Variants in PUDP observed in about 807,000 individuals in gnomAD.
The protein encoded by PUDP is pseudouridine 5'-phosphatase.
Under a neutral mutation model 9.4 loss-of-function variants are expected in PUDP, and 8 were observed. The ratio of observed to expected loss-of-function variants is 0.85; its 90% CI spans 0.50 to 1.53. The LOEUF is 1.53. Among genes scored for constraint, PUDP ranks in the 40% most tolerant of loss-of-function variants. PUDP has a pLI of 0.00. For synonymous variants in PUDP, 99 were observed against 80.7 expected (o/e 1.23, Z -1.22); for missense variants, 188 against 189.7 (o/e 0.99, Z 0.05).
intron 3 of PUDP, among the ~76,000 whole-genome samples, chrX:6,847,816 A>C (rs750363442): frequency 1.8e-5 from 2 of 112,003 alleles, no homozygotes; most frequent in Non-Finnish European, 3.8e-5. Context: ...GAATGAGCTT[A>C]TTGGTCTTGG....
chrX:7,046,790 G>A (rs1372539964), downstream of PUDP, among the ~76,000 whole-genome samples: 2 of 111,802 alleles, frequency 1.8e-5, no homozygotes, highest in Non-Finnish European at 3.8e-5. Context: ...CTTCATCTTC[G>A]CTCAGAGATT....
intron 1 of PUDP, among the ~76,000 whole-genome samples, chrX:6,991,385 A>AT (rs1336674850): frequency 9.0e-6 from 1 of 111,168 alleles, no homozygotes; most frequent in African/African-American, 3.3e-5. Flanking sequence ...CTTTAAAAAA[A>AT]TTTTTTTTAA....
chrX:6,861,347 A>AGGC (rs1443221521), intron 3 of PUDP, among the ~76,000 whole-genome samples: 1 of 111,592 alleles, frequency 9.0e-6, no homozygotes, highest in Non-Finnish European at 1.9e-5. Context: ...CAAGATGAGG[A>AGGC]GGCTTTCTAA....
At chrX:7,087,278 G>A (rs1242768026) in intron 2 of PUDP, among the ~76,000 whole-genome samples, 1 of 111,535 alleles carries the variant, frequency 9.0e-6, no homozygotes. Context: ...TGAAAATGGA[G>A]ACAGAGATTG....
chrX:6,980,127 C>T (rs1215405921), intron 1 of PUDP, among the ~76,000 whole-genome samples: 1 of 103,917 alleles, frequency 9.6e-6, no homozygotes, highest in Admixed American at 1.1e-4. Context: ...CCTTTCCTTT[C>T]TTTCCTCTCC....
At chrX:6,914,673 TTATG>T (rs2146759570) in intron 3 of PUDP, among the ~76,000 whole-genome samples, 1 of 112,377 alleles carries the variant, frequency 8.9e-6, no homozygotes, top group East Asian at 2.8e-4. Flanking sequence ...AATTGTCTGT[TTATG>T]TGTCTCCTAC....
At position 7,049,925 on chromosome X, in the gene PUDP, A is replaced by C. The variant is rs1050561; in HGVS notation, c.*371T>G. 0.08 allele frequency: 11,920 copies of C among 149,478 alleles called. 413 individuals are homozygous for C. Among genetic ancestry groups the C allele is most frequent in the Middle Eastern group, 0.14 (57 of 394 alleles). 12.3% of individuals were successfully genotyped at this position (149,478 alleles called of 1,213,427 possible). A position where few individuals can be genotyped will look rare whatever the true frequency, so the allele number is the denominator to read the frequency against. Reference sequence around the variant, plus strand: ...TACATGCATGCATATGTCTACATACATATGCATGTAATGCCTACCTGCATA... The same window carrying C: ...TACATGCATGCATATGTCTACATACCTATGCATGTAATGCCTACCTGCATA... On this transcript the variant is annotated 3_prime_UTR_variant, in exon 4 of 4. Transcript: ENST00000381077.
intron 1 of PUDP, among the ~76,000 whole-genome samples, chrX:6,991,691 T>A (rs867259223): frequency 6.0e-4 from 59 of 97,849 alleles, no homozygotes; most frequent in Non-Finnish European, 7.3e-4. Flanking sequence ...AAAAAAAAAA[T>A]AAAATAAAAT....
intron 2 of PUDP, among the ~76,000 whole-genome samples, chrX:7,102,974 A>T (rs1931782129): frequency 8.9e-6 from 1 of 112,131 alleles, no homozygotes; most frequent in South Asian, 3.6e-4. Context: ...GGGAAGACTT[A>T]ATATTAAGAC....
chrX:7,048,119 G>C (rs1930009786), downstream of PUDP, among the ~76,000 whole-genome samples: 1 of 111,985 alleles, frequency 8.9e-6, no homozygotes, highest in Non-Finnish European at 1.9e-5. Flanking sequence ...TAATCAGTAA[G>C]TTCTTAAGTG....
In PUDP at chrX:6,978,575, T is replaced by C. The variant is rs765912321; in HGVS notation, c.205-232A>G. Among the ~76,000 whole-genome samples the C allele has an allele frequency of 7.1e-5, 8 of 112,082 alleles. No individual in the cohort carries two copies. In the East Asian group the frequency reaches 2.2e-3, roughly 31 times the overall value. On this transcript the variant is annotated intron_variant and NMD_transcript_variant, in intron 1 of 3. Coordinates refer to the PUDP transcript ENST00000655425. ...TAGGTCAAAGGTTGTTAAAAATGTT[T>C]ATAATAACAGACAGATGACGTAACA...
chrX:7,023,884 A>G (rs145267951), intron 1 of PUDP, among the ~76,000 whole-genome samples: 6 of 111,950 alleles, frequency 5.4e-5, no homozygotes, highest in Middle Eastern at 4.7e-3. Flanking sequence ...GTCTCCTTTT[A>G]TTTCTCTCAA....
At chrX:6,734,259 G>A (rs1924847789) in intron 3 of PUDP, among the ~76,000 whole-genome samples, 1 of 111,725 alleles carries the variant, frequency 9.0e-6, no homozygotes, top group South Asian at 3.8e-4. Flanking sequence ...GGAGGAATAA[G>A]TTTTTAAGAT....
At chrX:6,871,037 A>G (rs1927167566) in intron 3 of PUDP, among the ~76,000 whole-genome samples, 1 of 111,910 alleles carries the variant, frequency 8.9e-6, no homozygotes, top group African/African-American at 3.2e-5. Context: ...TGGTCTTGCT[A>G]TGTTGCCCAA....
chrX:6,960,863 T>C (rs1569131458), intron 3 of PUDP, among the ~76,000 whole-genome samples: 1 of 111,302 alleles, frequency 9.0e-6, no homozygotes. Flanking sequence ...TTTTGCACCA[T>C]ATGATCCATG....
chrX:6,920,520 C>T (rs1429307457), intron 3 of PUDP, among the ~76,000 whole-genome samples: 1 of 111,777 alleles, frequency 8.9e-6, no homozygotes, highest in Non-Finnish European at 1.9e-5. Context: ...AATTTCCCTC[C>T]CAGTCTGTTC....
chrX:7,064,075 C>T (rs1247301499), intron 3 of PUDP, among the ~76,000 whole-genome samples: 1 of 111,800 alleles, frequency 8.9e-6, no homozygotes, highest in Admixed American at 9.5e-5. Flanking sequence ...TTACTACAGT[C>T]GTTATTTTGA....
chrX:7,037,831 G>A (rs1323490619), intron 1 of PUDP, among the ~76,000 whole-genome samples: 1 of 110,692 alleles, frequency 9.0e-6, no homozygotes, highest in East Asian at 2.8e-4. Context: ...GTGAGGGGAG[G>A]ACTGAAGAGA....
At chrX:7,108,966 C>T (rs566013800) in intron 1 of PUDP, among the ~76,000 whole-genome samples, 1 of 112,430 alleles carries the variant, frequency 8.9e-6, no homozygotes, top group Non-Finnish European at 1.9e-5. Flanking sequence ...GGGCTCAAAG[C>T]CCTTTAGGAG....
Sources: gnomAD v4.1 joint callset for allele counts (sites outside exome capture counted in the v4.1 genomes callset) on GRCh38, gnomAD v4.1.1 for gene constraint, MANE v1.5 for transcripts, NCBI Gene and HGNC (gene_info 2026-07-23, HGNC 2026-07-21) for gene names.